The following SNX10 variants were observed in gnomAD, a reference collection of about 807,000 sequenced individuals.
The protein encoded by SNX10 is sorting nexin-10.
In SNX10, 25 loss-of-function variants were observed where a neutral mutation model predicts 28.5. That is an observed-to-expected ratio of 0.88 (90% CI 0.64 to 1.22). The LOEUF (loss-of-function observed/expected upper bound fraction) is 1.22, where lower values mean the gene tolerates loss of function less well. Ranked by LOEUF, SNX10 falls within the 50% of genes most tolerant of loss-of-function variation. The pLI, the probability that SNX10 is intolerant of heterozygous loss-of-function variation, is 0.00. For missense variants in SNX10, 223 were observed against 242.6 expected, an observed-to-expected ratio of 0.92 and a Z score of 0.54; for synonymous variants, 62 against 81.4, an observed-to-expected ratio of 0.76 and a Z score of 1.28.
intron 5 of SNX10, among the ~76,000 whole-genome samples, chr7:26,366,506 A>G (rs899014159): frequency 1.3e-5 from 2 of 152,184 alleles, no homozygotes; most frequent in African/African-American, 2.4e-5. Flanking sequence ...TATCACAGGC[A>G]TGGCAGGACA....
At chr7:26,303,050 T>G (rs1024783243) in intron 1 of SNX10, among the ~76,000 whole-genome samples, 1 of 152,168 alleles carries the variant, frequency 6.6e-6, no homozygotes, top group African/African-American at 2.4e-5. Context: ...GGTAACACAT[T>G]GATTAAGAAT....
At chr7:26,324,163 C>T (rs1787409124) in intron 1 of SNX10, among the ~76,000 whole-genome samples, 1 of 151,986 alleles carries the variant, frequency 6.6e-6, no homozygotes, top group South Asian at 2.1e-4. Context: ...ATAAGATAAC[C>T]CCTTATTCAG....
chr7:26,306,329 C>G (rs1368114206), intron 1 of SNX10, among the ~76,000 whole-genome samples: 1 of 152,068 alleles, frequency 6.6e-6, no homozygotes, highest in African/African-American at 2.4e-5. Flanking sequence ...CACAGTGTGG[C>G]TGAGTTTCAG....
chr7:26,319,554 A>G (rs925690551), intron 1 of SNX10, among the ~76,000 whole-genome samples: 11 of 152,244 alleles, frequency 7.2e-5, no homozygotes, highest in African/African-American at 9.6e-5. Context: ...GCTTTTGTCT[A>G]TCAGCATCTG....
At chr7:26,321,361 T>A (rs1003444590) in intron 1 of SNX10, among the ~76,000 whole-genome samples, 2 of 152,248 alleles carry the variant, frequency 1.3e-5, no homozygotes, top group East Asian at 3.8e-4. Context: ...TTAAGTCTGC[T>A]CCTGGAATAA....
In SNX10 at chr7:26,371,909, G is replaced by A. The variant is rs779564297; in HGVS notation, c.400G>A (p.Val134Ile). 1.2e-5 allele frequency: 19 copies of A among 1,613,554 alleles called. No homozygotes were observed. The highest frequency in any genetic ancestry group is 1.4e-5 in the Non-Finnish European group (17 of 1,179,704). ...HLNSEDIEAC[V>I]SGQTKYSVEE... is the part of the protein sequence containing the mutation. ...GAATTCAGAAGACATTGAGGCGTGT[G>A]TTTCTGGGCAGACTAAGTACTCTGT... is the stretch of plus-strand genomic sequence containing the variant. The change falls in exon 6 of 7, where the codon GTT becomes ATT. Residue 134 changes from valine (V) to isoleucine (I), a missense_variant. Val to Ile is a conservative substitution (Grantham distance 29, BLOSUM62 3). Coordinates refer to ENST00000338523, the MANE Select transcript of SNX10 (RefSeq NM_013322.3).
chr7:26,328,763 A>G (rs1003001953), intron 1 of SNX10, among the ~76,000 whole-genome samples: 13 of 152,118 alleles, frequency 8.5e-5, no homozygotes, highest in Non-Finnish European at 2.9e-5. Context: ...CTTTCCCATC[A>G]TGGGCCTCGC....
intron 2 of SNX10, among the ~76,000 whole-genome samples, chr7:26,355,465 C>T (rs1033177039): frequency 6.6e-6 from 1 of 152,170 alleles, no homozygotes; most frequent in African/African-American, 2.4e-5. Context: ...CATAGTGTGT[C>T]TCTGCTTTGA....
At chr7:26,292,608 C>T (rs947247909) in intron 1 of SNX10, among the ~76,000 whole-genome samples, 3 of 151,970 alleles carry the variant, frequency 2.0e-5, no homozygotes, top group Non-Finnish European at 4.4e-5. Flanking sequence ...GATTTGGTGA[C>T]CAGGAAAGCA....
chr7:26,324,460 C>T (rs1443598504), intron 1 of SNX10, among the ~76,000 whole-genome samples: 1 of 152,174 alleles, frequency 6.6e-6, no homozygotes, highest in African/African-American at 2.4e-5. Context: ...TTCTGTCTCA[C>T]GTGATCTTCC....
chr7:26,358,806 T>TTTTTG (rs1788941546), intron 2 of SNX10, among the ~76,000 whole-genome samples: 2 of 52,606 alleles, frequency 3.8e-5, no homozygotes, highest in African/African-American at 1.1e-4. Context: ...TTATCTTGTG[T>TTTTTG]TTTTTTTTTT....
rs547646122 is a variant in SNX10, at chr7:26,352,167, A to T, written c.24+5701A>T. On this transcript the variant is annotated intron_variant, in intron 2 of 6. Transcript: ENST00000338523. ...TTATTTTAAAACAAATATCATTGAC[A>T]TATATATGCTCACATAAAAAGATTC... Among the ~76,000 whole-genome samples, 939 of 152,352 alleles carry T rather than the reference A, an allele frequency of 6.2e-3. 4 individuals are homozygous for T. The highest frequency in any genetic ancestry group is 8.9e-3 in the Non-Finnish European group (605 of 68,030).
intron 5 of SNX10, chr7:26,370,288 T>A (rs181069442): frequency 6.6e-6 from 1 of 152,352 alleles, no homozygotes; most frequent in Non-Finnish European, 1.5e-5. Context: ...TATTTGTAAA[T>A]GTAGAAAATA....
chr7:26,329,171 C>T (rs1314292131), intron 1 of SNX10, among the ~76,000 whole-genome samples: 4 of 152,184 alleles, frequency 2.6e-5, no homozygotes, highest in South Asian at 2.1e-4. Flanking sequence ...TCCACAGGCC[C>T]GGTGTGACCC....
At chr7:26,302,555 G>A (rs1206001561) in intron 1 of SNX10, among the ~76,000 whole-genome samples, 2 of 152,130 alleles carry the variant, frequency 1.3e-5, no homozygotes, top group South Asian at 2.1e-4. Context: ...CCTGGCCTAC[G>A]TATTGCCCAG....
intron 1 of SNX10, among the ~76,000 whole-genome samples, chr7:26,311,798 G>T (rs989769390): frequency 6.6e-6 from 1 of 151,790 alleles, no homozygotes; most frequent in Non-Finnish European, 1.5e-5. Context: ...TACTGTTTTG[G>T]AATAGAAAAG....
chr7:26,370,827 GT>G (rs1414848378), intron 5 of SNX10: 1 of 152,142 alleles, frequency 6.6e-6, no homozygotes, highest in Non-Finnish European at 1.5e-5. Flanking sequence ...TAGTGTGTTA[GT>G]TTTGTCCCCT....
At chr7:26,328,003 A>T (rs183348987) in intron 1 of SNX10, among the ~76,000 whole-genome samples, 3 of 152,138 alleles carry the variant, frequency 2.0e-5, no homozygotes, top group African/African-American at 7.2e-5. Flanking sequence ...AAGTGCTGGG[A>T]TTACAGGCGT....
At chr7:26,367,474 T>G (rs1221780728) in intron 5 of SNX10, among the ~76,000 whole-genome samples, 1 of 152,212 alleles carries the variant, frequency 6.6e-6, no homozygotes, top group Non-Finnish European at 1.5e-5. Flanking sequence ...TATTTCACTT[T>G]AAAAATGAAA....
Sources: allele counts gnomAD v4.1 joint callset (sites outside exome capture counted in the v4.1 genomes callset), GRCh38; gene constraint gnomAD v4.1.1; transcripts MANE v1.5; gene names NCBI Gene and HGNC (gene_info 2026-07-23, HGNC 2026-07-21).